Variants in ITPR2 observed in about 807,000 individuals in gnomAD.
The protein encoded by ITPR2 is inositol 1,4,5-trisphosphate receptor type 2.
In ITPR2, 207 loss-of-function variants were observed where a neutral mutation model predicts 317.1. That is an observed-to-expected ratio of 0.65 (90% CI 0.58 to 0.73). The LOEUF is 0.73. Among genes scored for constraint, ITPR2 ranks in the 30% least tolerant of loss-of-function variants. ITPR2 has a pLI of 0.00. For synonymous variants in ITPR2, 1,156 were observed against 1,149.1 expected (o/e 1.01, Z -0.12); for missense variants, 2,613 against 3,284.0 (o/e 0.80, Z 4.99).
intron 55 of ITPR2, among the ~76,000 whole-genome samples, chr12:26,350,617 T>C (rs1938449556): frequency 6.6e-6 from 1 of 151,934 alleles, no homozygotes; most frequent in Admixed American, 6.6e-5. Flanking sequence ...ATGAGGACCC[T>C]TGAGCTTAGC....
rs536894648 is a variant in ITPR2, at chr12:26,534,755, C to T, written c.5073+15492G>A. On this transcript the variant is annotated intron_variant, in intron 37 of 56. Coordinates refer to ENST00000381340, the MANE Select transcript of ITPR2 (RefSeq NM_002223.4). ...TAAGGAATTGTCCCTAGTTTAGATG[C>T]TGAACAGGTGGTTTACTAAGAAAGA... Among the ~76,000 whole-genome samples the T allele has an allele frequency of 7.2e-5, 11 of 152,264 alleles. No individual in the cohort carries two copies. In the South Asian group the frequency reaches 2.3e-3, roughly 32 times the overall value.
At chr12:26,635,235 T>C (rs1946841526) in intron 21 of ITPR2, among the ~76,000 whole-genome samples, 1 of 152,228 alleles carries the variant, frequency 6.6e-6, no homozygotes, top group South Asian at 2.1e-4. Flanking sequence ...GATCACACTA[T>C]TGGGTTCAAC....
chr12:26,422,354 T>C (rs1219155379), intron 49 of ITPR2, among the ~76,000 whole-genome samples: 1 of 151,118 alleles, frequency 6.6e-6, no homozygotes, highest in Non-Finnish European at 1.5e-5. Context: ...AATTTATTAG[T>C]TAAATAAGTT....
In ITPR2 at chr12:26,339,169, CG is replaced by C; in HGVS notation, c.*227del. 1 of 470,046 alleles carries C rather than the reference CG, an allele frequency of 2.1e-6. No homozygotes were observed. The highest frequency in any genetic ancestry group is 3.8e-6 in the Non-Finnish European group (1 of 261,846). 29.1% of individuals were successfully genotyped at this position (470,046 alleles called of 1,614,324 possible). On this transcript the variant is annotated 3_prime_UTR_variant, in exon 57 of 57. Transcript: ENST00000381340. Reference sequence around the variant, plus strand: ...CAAGCCTTTTCTTCCTGATGCATTGCGAATGTGTGATGTACGCTTTCTAGCA... The same window carrying C: ...CAAGCCTTTTCTTCCTGATGCATTGCAATGTGTGATGTACGCTTTCTAGCA...
intron 9 of ITPR2, among the ~76,000 whole-genome samples, chr12:26,709,562 G>C (rs1392281534): frequency 6.6e-6 from 1 of 152,082 alleles, no homozygotes; most frequent in Non-Finnish European, 1.5e-5. Flanking sequence ...CTAATCATTT[G>C]AATGCATCAA....
rs553045391 is a variant in ITPR2 at position 26,684,110 on chromosome 12, C to T, written c.1149-1437G>A. Among the ~76,000 whole-genome samples, 3 of 152,320 alleles carry T rather than the reference C, an allele frequency of 2.0e-5. No individual in the cohort carries two copies. The South Asian group carries it at 6.2e-4, about 32-fold the overall frequency. On this transcript the variant is annotated intron_variant, in intron 11 of 56. Coordinates refer to ENST00000381340, the MANE Select transcript of ITPR2 (RefSeq NM_002223.4). ...AAATAGCAGTTCTCCAATCTTTGTT[C>T]AAATAACTAGAAATTCTGAAATGCC...
Position 26,340,200 on chromosome 12 carries a change from C to T in ITPR2, c.7986G>A (p.Gln2662=). Reference sequence around the variant, plus strand: ...TGAGCTCCGCCAGCTGACCCGACAGCTGTTTGACCAGACTCATGGTCGATT... The same window carrying T: ...TGAGCTCCGCCAGCTGACCCGACAGTTGTTTGACCAGACTCATGGTCGATT... ...KLESTMSLVK[Q]LSGQLAELKE... Residue 2662 remains glutamine (Q), a synonymous_variant, in exon 56 of 57, where the codon CAG becomes CAA. Transcript: ENST00000381340. The T allele has an allele frequency of 6.2e-7, 1 of 1,608,482 alleles. No homozygotes were observed. The highest frequency in any genetic ancestry group is 8.5e-7 in the Non-Finnish European group (1 of 1,177,580).
At chr12:26,542,792 A>C (rs546037632) in intron 37 of ITPR2, among the ~76,000 whole-genome samples, 1 of 152,342 alleles carries the variant, frequency 6.6e-6, no homozygotes, top group South Asian at 2.1e-4. Context: ...TATGTATGTC[A>C]GTGTAACATT....
At chr12:26,675,378 T>C (rs1947884433) in intron 13 of ITPR2, among the ~76,000 whole-genome samples, 2 of 152,164 alleles carry the variant, frequency 1.3e-5, no homozygotes, top group Non-Finnish European at 2.9e-5. Context: ...TAAAAAATGA[T>C]GAGTTCATGT....
rs752771527 is a variant in ITPR2, at chr12:26,724,770, G to T, written c.280-28C>A. On this transcript the variant is annotated intron_variant, in intron 3 of 56. Transcript: ENST00000381340. Reference sequence around the variant, plus strand: ...ATAAGATGATTATCAAATATTCAGTGTAGAAATATAGTAAACAGAGTGTAA... The same window carrying T: ...ATAAGATGATTATCAAATATTCAGTTTAGAAATATAGTAAACAGAGTGTAA... 4.0e-6 allele frequency: 6 copies of T among 1,505,180 alleles called. No individual in the cohort carries two copies. In the South Asian group the frequency reaches 6.9e-5, roughly 17 times the overall value. The allele number at this position is 1,505,180 out of a possible 1,614,324, so 93.2% of individuals were successfully genotyped here. A position where few individuals can be genotyped will look rare whatever the true frequency, so the allele number is the denominator to read the frequency against.
chr12:26,620,983 C>G, intron 26 of ITPR2, 140 bp downstream of exon 26: 1 of 697,862 alleles, frequency 1.4e-6, no homozygotes, highest in East Asian at 2.7e-5. Context: ...TAATTGACAA[C>G]TTAGCAAATG....
At chr12:26,760,023 C>A (rs1447106880) in intron 2 of ITPR2, among the ~76,000 whole-genome samples, 1 of 152,190 alleles carries the variant, frequency 6.6e-6, no homozygotes, top group African/African-American at 2.4e-5. Context: ...ATATAAAATG[C>A]TATAGTATTT....
intron 48 of ITPR2, among the ~76,000 whole-genome samples, chr12:26,435,214 CATCTGAAATA>C (rs1247276208): frequency 6.6e-6 from 1 of 152,152 alleles, no homozygotes; most frequent in East Asian, 1.9e-4. Flanking sequence ...ACCCCCAGTT[CATCTGAAATA>C]GGCTGAAATA....
intron 14 of ITPR2, among the ~76,000 whole-genome samples, chr12:26,665,524 G>A (rs1057061012): frequency 2.0e-5 from 3 of 152,186 alleles, no homozygotes; most frequent in Non-Finnish European, 2.9e-5. Context: ...TACAAAGATG[G>A]TAGCTTCTAC....
At chr12:26,701,631 T>C (rs1173987039) in intron 9 of ITPR2, among the ~76,000 whole-genome samples, 1 of 152,196 alleles carries the variant, frequency 6.6e-6, no homozygotes, top group African/African-American at 2.4e-5. Context: ...CAGGCCCTTT[T>C]CACATACTAT....
intron 55 of ITPR2, among the ~76,000 whole-genome samples, chr12:26,367,316 G>A (rs1237660623): frequency 6.6e-6 from 1 of 152,070 alleles, no homozygotes; most frequent in Admixed American, 6.6e-5. Context: ...AATAAATACT[G>A]CATGAAACAA....
At chr12:26,650,957 C>T (rs1030880280) in intron 21 of ITPR2, among the ~76,000 whole-genome samples, 3 of 152,304 alleles carry the variant, frequency 2.0e-5, no homozygotes, top group African/African-American at 7.2e-5. Flanking sequence ...ATTAAAGATG[C>T]AATAATAGTA....
intron 49 of ITPR2, among the ~76,000 whole-genome samples, chr12:26,422,773 T>C (rs1940938958): frequency 6.6e-6 from 1 of 152,214 alleles, no homozygotes; most frequent in Non-Finnish European, 1.5e-5. Context: ...ACATGACCTA[T>C]TTTACAGGAA....
chr12:26,562,059 A>G, intron 34 of ITPR2, 107 bp from the exon 35 acceptor site: 2 of 754,448 alleles, frequency 2.7e-6, no homozygotes, highest in Non-Finnish European at 1.9e-6. Flanking sequence ...AAATCTTTAA[A>G]CTCTGCCATT....
Sources: allele counts gnomAD v4.1 joint callset (sites outside exome capture counted in the v4.1 genomes callset), GRCh38; gene constraint gnomAD v4.1.1; transcripts MANE v1.5; gene names NCBI Gene and HGNC (gene_info 2026-07-23, HGNC 2026-07-21).